MICU1: variants seen among roughly 807,000 people sequenced by gnomAD.
The protein encoded by MICU1 is mitochondrial calcium uptake 1.
A neutral mutation model predicts 56.8 loss-of-function variants in MICU1; 45 were observed. The ratio of observed to expected loss-of-function variants is 0.79; its 90% CI spans 0.62 to 1.02. The LOEUF is 1.02. Among genes scored for constraint, MICU1 ranks in the 50% least tolerant of loss-of-function variants. The probability of loss-of-function intolerance (pLI) is 0.00; values close to 1 mark genes in which losing one functional copy is unlikely to be tolerated. For missense variants in MICU1, 504 were observed against 587.1 expected (o/e 0.86, Z 1.46); for synonymous variants, 186 against 195.1 (o/e 0.95, Z 0.39).
intron 1 of MICU1, among the ~76,000 whole-genome samples, chr10:72,594,686 GC>G (rs1427390672): frequency 6.6e-6 from 1 of 151,934 alleles, no homozygotes. Flanking sequence ...ACTGCTTGAG[GC>G]CCAGAGTTCA....
At chr10:72,500,302 ATTTTT>A (rs542725786) in intron 6 of MICU1, among the ~76,000 whole-genome samples, 172 of 10,650 alleles carry the variant, frequency 0.016, 1 homozygote, top group African/African-American at 0.027. Context: ...ATATATATAT[ATTTTT>A]TTTTTTTTTT....
At chr10:72,594,543 A>C (rs1164250381) in intron 1 of MICU1, among the ~76,000 whole-genome samples, 1 of 152,138 alleles carries the variant, frequency 6.6e-6, no homozygotes, top group Non-Finnish European at 1.5e-5. Flanking sequence ...CAAAAGAAAA[A>C]AATAGACAAA....
intron 6 of MICU1, among the ~76,000 whole-genome samples, chr10:72,481,424 T>G (rs182734458): frequency 1.3e-5 from 2 of 152,180 alleles, no homozygotes. Flanking sequence ...TGTTTTTTGT[T>G]TTTTTGAGAC....
chr10:72,406,031 A>T (rs1378815505), intron 10 of MICU1, among the ~76,000 whole-genome samples: 2 of 151,950 alleles, frequency 1.3e-5, no homozygotes, highest in East Asian at 3.8e-4. Flanking sequence ...ATTTTTTTTT[A>T]AAAAAGGAGA....
intron 1 of MICU1, among the ~76,000 whole-genome samples, chr10:72,585,473 T>A (rs1841023866): frequency 6.6e-6 from 1 of 152,052 alleles, no homozygotes; most frequent in Non-Finnish European, 1.5e-5. Context: ...GGCAGGCAGA[T>A]CACCTGAGGT....
At chr10:72,517,989 G>A (rs971911990) in intron 5 of MICU1, among the ~76,000 whole-genome samples, 5 of 149,992 alleles carry the variant, frequency 3.3e-5, no homozygotes, top group African/African-American at 9.8e-5. Flanking sequence ...CCCAGAAGTA[G>A]TTATTTACAT....
intron 8 of MICU1, among the ~76,000 whole-genome samples, chr10:72,445,367 G>A (rs1184541110): frequency 2.0e-5 from 3 of 151,992 alleles, no homozygotes; most frequent in Non-Finnish European, 2.9e-5. Context: ...TTCAAATCAG[G>A]GTAGATGTCT....
chr10:72,505,585 G>C (rs897140500), intron 6 of MICU1, among the ~76,000 whole-genome samples: 2 of 152,188 alleles, frequency 1.3e-5, no homozygotes, highest in African/African-American at 2.4e-5. Flanking sequence ...TGGTGGACTG[G>C]ATAGAGAAAA....
intron 8 of MICU1, among the ~76,000 whole-genome samples, chr10:72,427,521 AG>A (rs895182205): frequency 1.3e-5 from 2 of 152,134 alleles, no homozygotes; most frequent in African/African-American, 4.8e-5. Flanking sequence ...TGTAAACTTC[AG>A]CCTTCTCTTT....
intron 8 of MICU1, among the ~76,000 whole-genome samples, chr10:72,471,656 C>T (rs906666650): frequency 2.6e-5 from 4 of 151,612 alleles, no homozygotes; most frequent in South Asian, 2.1e-4. Flanking sequence ...TCTTTAACTA[C>T]ATTTTTTGGA....
intron 10 of MICU1, among the ~76,000 whole-genome samples, chr10:72,382,996 A>G (rs1007069653): frequency 1.3e-5 from 2 of 152,232 alleles, no homozygotes; most frequent in African/African-American, 4.8e-5. Flanking sequence ...GGACAGGTGC[A>G]GTGGCTCATG....
chr10:72,452,438 GTAA>G (rs1390528089), intron 8 of MICU1, among the ~76,000 whole-genome samples: 3 of 152,136 alleles, frequency 2.0e-5, no homozygotes, highest in Non-Finnish European at 4.4e-5. Context: ...TGCCACCATG[GTAA>G]TATAATGAGG....
intron 6 of MICU1, among the ~76,000 whole-genome samples, chr10:72,487,170 C>T (rs1184775455): frequency 6.6e-6 from 1 of 152,116 alleles, no homozygotes; most frequent in Non-Finnish European, 1.5e-5. Flanking sequence ...GGCAGACCAT[C>T]CATATCAATT....
intron 1 of MICU1, among the ~76,000 whole-genome samples, chr10:72,569,237 A>ATATATATATATTTTTTTTTTTTTT: frequency 2.9e-5 from 1 of 34,380 alleles, no homozygotes; most frequent in Non-Finnish European, 5.1e-5. Context: ...ATATATATAT[A>ATATATATATATTTTTTTTTTTTTT]TTTTTTTTTT....
At chr10:72,420,162 C>A (rs563168301) in intron 9 of MICU1, among the ~76,000 whole-genome samples, 1 of 152,234 alleles carries the variant, frequency 6.6e-6, no homozygotes, top group Non-Finnish European at 1.5e-5. Context: ...TGGGTTCAAG[C>A]CATTCTCCTG....
chr10:72,456,849 T>TTGTGTGTGTGTGTG (rs56262647), intron 8 of MICU1, among the ~76,000 whole-genome samples: 35 of 134,642 alleles, frequency 2.6e-4, no homozygotes, highest in East Asian at 1.3e-3. Flanking sequence ...CGGGCTCATT[T>TTGTGTGTGTGTGTG]TGTGTGTGTG....
intron 10 of MICU1, among the ~76,000 whole-genome samples, chr10:72,399,472 A>G (rs1863378504): frequency 6.6e-6 from 1 of 152,050 alleles, no homozygotes; most frequent in African/African-American, 2.4e-5. Context: ...AAATAAATAA[A>G]TAAAATAAAA....
chr10:72,457,921 C>T (rs1466365301), intron 8 of MICU1, among the ~76,000 whole-genome samples: 1 of 152,146 alleles, frequency 6.6e-6, no homozygotes, highest in African/African-American at 2.4e-5. Context: ...GTAATCCCAG[C>T]ACTTTGGGAA....
chr10:72,591,989 G>A lies in MICU1; in HGVS notation c.-1-25195C>T, dbSNP rs751086910. On this transcript the variant is annotated intron_variant, in intron 1 of 11. Transcript: ENST00000361114. The stretch of plus-strand genomic sequence containing the variant: ...TTCAACACTGGACTCCAGCCTGGGC[G>A]ACAAAGTGAGGCCCTGGTTTTTTTG... Among the ~76,000 whole-genome samples the A allele has an allele frequency of 2.0e-4, 31 of 151,438 alleles. 1 individual carries two copies. The East Asian group carries it at 5.9e-3, about 29-fold the overall frequency.
Sources: gnomAD v4.1 joint callset for allele counts (sites outside exome capture counted in the v4.1 genomes callset) on GRCh38, gnomAD v4.1.1 for gene constraint, MANE v1.5 for transcripts, NCBI Gene and HGNC (gene_info 2026-07-23, HGNC 2026-07-21) for gene names.